PRKCE: variants seen among roughly 807,000 people sequenced by gnomAD.
The protein encoded by PRKCE is protein kinase C epsilon type.
PRKCE carries 16 observed loss-of-function variants against 85.4 expected under a neutral mutation model. That is an observed-to-expected ratio of 0.19 (90% CI 0.13 to 0.28). The LOEUF is 0.28. PRKCE is among the 10% of genes least tolerant of loss of function. The probability of loss-of-function intolerance (pLI) is 1.00; values close to 1 mark genes in which losing one functional copy is unlikely to be tolerated. For missense variants in PRKCE, 573 were observed against 975.2 expected, an observed-to-expected ratio of 0.59 and a Z score of 5.49; for synonymous variants, 388 against 371.5, an observed-to-expected ratio of 1.04 and a Z score of -0.51.
intron 1 of PRKCE, chr2:45,674,635 C>T (rs1676335375): frequency 6.6e-6 from 1 of 152,230 alleles, no homozygotes; most frequent in Non-Finnish European, 1.5e-5. Context: ...AAAGGAAAAA[C>T]AGGTCATAAA....
At chr2:45,757,887 G>T (rs1232468911) in intron 1 of PRKCE, among the ~76,000 whole-genome samples, 1 of 152,178 alleles carries the variant, frequency 6.6e-6, no homozygotes, top group East Asian at 1.9e-4. Context: ...CTTGACGGAG[G>T]TTGATGCTGG....
chr2:46,110,211 G>GTCATTTTGC (rs1672124301), intron 11 of PRKCE, among the ~76,000 whole-genome samples: 1 of 152,114 alleles, frequency 6.6e-6, no homozygotes, highest in Non-Finnish European at 1.5e-5. Flanking sequence ...CATAGAATGA[G>GTCATTTTGC]TTAGGAAGTA....
At position 45,652,598 on chromosome 2, in the gene PRKCE, A is replaced by G; in HGVS notation, c.348+150A>G. 3.9e-6 allele frequency: 3 copies of G among 773,946 alleles called. No homozygotes were observed. Among genetic ancestry groups the G allele is most frequent in the East Asian group, 5.4e-5 (2 of 37,104 alleles). The allele number at this position is 773,946 out of a possible 1,614,324, so 47.9% of individuals were successfully genotyped here. ...CAGTTTCCTTGGGGAGGTACACTTC[A>G]CTTCATAGTTGGGGAGAAACAGGCA... On this transcript the variant is annotated intron_variant, in intron 1 of 14. Transcript: ENST00000306156. The surrounding 1 kb of genome is among the most constrained non-coding windows in gnomAD (Gnocchi z 7.7).
chr2:45,719,728 A>G (rs1680454107), intron 1 of PRKCE, among the ~76,000 whole-genome samples: 1 of 152,164 alleles, frequency 6.6e-6, no homozygotes, highest in African/African-American at 2.4e-5. Context: ...ATCTAGATCA[A>G]ACAAAATCAT....
chr2:45,746,015 G>A (rs1652691860), intron 1 of PRKCE, among the ~76,000 whole-genome samples: 2 of 152,120 alleles, frequency 1.3e-5, no homozygotes, highest in Admixed American at 1.3e-4. Flanking sequence ...ACGCCTACAA[G>A]TGATAGCCAA....
In PRKCE at chr2:45,828,161, T is replaced by TA. The variant is rs1030421446; in HGVS notation, c.349-14833dup. On this transcript the variant is annotated intron_variant, in intron 1 of 14. Coordinates refer to ENST00000306156, the MANE Select transcript of PRKCE (RefSeq NM_005400.3). ...TTAAAAGGTAACATTGTCTGGAATA[T>TA]AAAAAATGTGGACTGCCTCACCTCA... 1.7e-4 allele frequency among the ~76,000 whole-genome samples: 26 copies of TA among 152,298 alleles called. 1 individual carries two copies. Among genetic ancestry groups the TA allele is most frequent in the African/African-American group, 5.3e-4 (22 of 41,558 alleles).
intron 1 of PRKCE, among the ~76,000 whole-genome samples, chr2:45,802,217 A>C (rs77423733): frequency 0.046 from 7,046 of 152,130 alleles, 559 homozygotes; most frequent in African/African-American, 0.16. Context: ...GTGAGCTATG[A>C]TCACACTCCA....
At chr2:45,767,315 A>G (rs979939215) in intron 1 of PRKCE, among the ~76,000 whole-genome samples, 2 of 152,232 alleles carry the variant, frequency 1.3e-5, no homozygotes, top group Non-Finnish European at 2.9e-5. Flanking sequence ...TCTGCACAGC[A>G]ATGGCTCCTT....
chr2:45,741,168 G>A (rs1371573054), intron 1 of PRKCE, among the ~76,000 whole-genome samples: 1 of 152,198 alleles, frequency 6.6e-6, no homozygotes, highest in Non-Finnish European at 1.5e-5. Flanking sequence ...GCCTGTAAAG[G>A]AGTCTGTAAT....
At chr2:46,078,509 TA>T in intron 10 of PRKCE, 1 of 150,846 alleles carries the variant, frequency 6.6e-6, no homozygotes, top group Non-Finnish European at 1.5e-5. Context: ...CACTGCACTA[TA>T]GCCTGGGTGA....
chr2:45,672,594 T>G (rs1676227223), intron 1 of PRKCE, among the ~76,000 whole-genome samples: 1 of 152,228 alleles, frequency 6.6e-6, no homozygotes, highest in South Asian at 2.1e-4. Flanking sequence ...AATTTGCTTT[T>G]CAGCTATTGA....
In PRKCE at chr2:46,025,965, C is replaced by G. The variant is rs368594174; in HGVS notation, c.1437+15448C>G. On this transcript the variant is annotated intron_variant, in intron 10 of 14. Transcript: ENST00000306156. Reference sequence around the variant, plus strand: ...ACTAGGTAAACACTGGAAGTCAGTACCTGGTAGACGCCATAGGCAGAAGCA... The same window carrying G: ...ACTAGGTAAACACTGGAAGTCAGTAGCTGGTAGACGCCATAGGCAGAAGCA... 5.3e-5 allele frequency among the ~76,000 whole-genome samples: 8 copies of G among 152,252 alleles called. No individual in the cohort carries two copies. In the South Asian group the frequency reaches 1.2e-3, roughly 24 times the overall value.
chr2:45,755,053 G>T (rs1683890403), intron 1 of PRKCE, among the ~76,000 whole-genome samples: 1 of 152,190 alleles, frequency 6.6e-6, no homozygotes, highest in Admixed American at 6.5e-5. Context: ...GGCAAGGAGG[G>T]CCTGGAGGCG....
chr2:45,887,742 C>A (rs1408526072), intron 2 of PRKCE, among the ~76,000 whole-genome samples: 7 of 152,228 alleles, frequency 4.6e-5, no homozygotes, highest in African/African-American at 1.7e-4. Flanking sequence ...TACCTGGATG[C>A]TGCAACATTG....
At chr2:46,080,230 C>T (rs1293181916) in intron 10 of PRKCE, among the ~76,000 whole-genome samples, 2 of 152,174 alleles carry the variant, frequency 1.3e-5, no homozygotes, top group African/African-American at 4.8e-5. Flanking sequence ...TGCATCAAAA[C>T]ATGCTTCTCA....
chr2:45,830,878 G>T (rs953719329), intron 1 of PRKCE, among the ~76,000 whole-genome samples: 1 of 152,218 alleles, frequency 6.6e-6, no homozygotes, highest in Non-Finnish European at 1.5e-5. Flanking sequence ...AGGCATGAAA[G>T]ATTTCTGATT....
At chr2:45,749,854 G>A (rs1683409410) in intron 1 of PRKCE, among the ~76,000 whole-genome samples, 1 of 152,186 alleles carries the variant, frequency 6.6e-6, no homozygotes, top group Non-Finnish European at 1.5e-5. Context: ...GACATAGGTT[G>A]ATAAACTAAA....
chr2:45,984,994 A>G (rs927423956), intron 6 of PRKCE, among the ~76,000 whole-genome samples: 3 of 152,366 alleles, frequency 2.0e-5, no homozygotes, highest in African/African-American at 7.2e-5. Flanking sequence ...ACATTAGAGC[A>G]GAAGAAAAGT....
At chr2:46,070,487 C>CA (rs1156563976) in intron 10 of PRKCE, among the ~76,000 whole-genome samples, 8 of 152,076 alleles carry the variant, frequency 5.3e-5, no homozygotes, top group Admixed American at 2.0e-4. Context: ...ACTAAAAATA[C>CA]AAAAAATTAG....
Sources: allele counts gnomAD v4.1 joint callset (sites outside exome capture counted in the v4.1 genomes callset), GRCh38; gene constraint gnomAD v4.1.1; non-coding constraint Gnocchi (gnomAD v3.1); transcripts MANE v1.5; gene names NCBI Gene and HGNC (gene_info 2026-07-23, HGNC 2026-07-21).